Variants in PPP4R3B observed in about 807,000 individuals in gnomAD.
The protein encoded by PPP4R3B is protein phosphatase 4 regulatory subunit 3B, also known as serine/threonine-protein phosphatase 4 regulatory subunit 3B.
PPP4R3B carries 52 observed loss-of-function variants against 95.4 expected under a neutral mutation model. That is an observed-to-expected ratio of 0.54 (90% confidence interval 0.44 to 0.69). The LOEUF (loss-of-function observed/expected upper bound fraction) is 0.69. Ranked by LOEUF, PPP4R3B falls within the 30% of genes least tolerant of loss-of-function variation. The pLI, the probability that PPP4R3B is intolerant of heterozygous loss-of-function variation, is 0.00. For synonymous variants in PPP4R3B, 407 were observed against 343.9 expected, an observed-to-expected ratio of 1.18 and a Z score of -2.03; for missense variants, 1,003 against 1,005.9, an observed-to-expected ratio of 1.00 and a Z score of 0.04.
chr2:55,579,143 G>C lies in PPP4R3B; in HGVS notation c.1468+536C>G, dbSNP rs181592709. ...ACTCCATTTTAATAAACTGAAAACAGAAATTGCAGCTGATGAATTACGGGT... is the reference window on the plus strand; with the variant it reads ...ACTCCATTTTAATAAACTGAAAACACAAATTGCAGCTGATGAATTACGGGT... On this transcript the variant is annotated intron_variant, in intron 9 of 16. Coordinates refer to ENST00000616407, the MANE Select transcript of PPP4R3B (RefSeq NM_001122964.3). Among the ~76,000 whole-genome samples the C allele has an allele frequency of 2.0e-4, 30 of 152,106 alleles. 1 individual carries two copies. The highest frequency in any genetic ancestry group is 5.8e-4 in the African/African-American group (24 of 41,526).
At chr2:55,580,416 T>G (rs910784745) in intron 8 of PPP4R3B, among the ~76,000 whole-genome samples, 2 of 152,134 alleles carry the variant, frequency 1.3e-5, no homozygotes, top group African/African-American at 4.8e-5. Context: ...TCTCTCAACT[T>G]TAAAAATAAC....
At position 55,548,681 on chromosome 2, in the gene PPP4R3B, TGTTAAA is replaced by T. The variant is rs1684946716; in HGVS notation, c.*1224_*1229del. On this transcript the variant is annotated 3_prime_UTR_variant, in exon 17 of 17. Transcript: ENST00000616407. The stretch of plus-strand genomic sequence containing the variant: ...ATCTAAAGATTGTGGCTGGAATTAC[TGTTAAA>T]GTTTTTTTTTCCCAATGCATTAAAT... 1.3e-5 allele frequency: 2 copies of T among 152,770 alleles called. No individual in the cohort carries two copies. The highest frequency in any genetic ancestry group is 4.1e-4 in the South Asian group (2 of 4,826). 9.5% of individuals were successfully genotyped at this position (152,770 alleles called of 1,614,324 possible).
At position 55,598,878 on chromosome 2, in the gene PPP4R3B, G is replaced by A; in HGVS notation, c.459C>T (p.Leu153=). ...EEIADLVTSV[L]SSPIRREKLA... is the part of the protein sequence containing the mutation. ...GCTTTTCCCTACGGATAGGTGAGGA[G>A]AGCACTGAGGTAACTAAGTCAGCAA... Residue 153 remains leucine, a synonymous_variant, in exon 4 of 17, where the codon CTC becomes CTT. Transcript: ENST00000616407. The A allele has an allele frequency of 6.2e-7, 1 of 1,614,200 alleles. No individual in the cohort carries two copies.
intron 3 of PPP4R3B, among the ~76,000 whole-genome samples, chr2:55,600,292 G>A (rs1424144284): frequency 6.6e-6 from 1 of 152,044 alleles, no homozygotes; most frequent in African/African-American, 2.4e-5. Flanking sequence ...TGGGCGTGGT[G>A]GCGCATGCCT....
chr2:55,596,736 G>T (rs1322896677), intron 4 of PPP4R3B, among the ~76,000 whole-genome samples: 1 of 152,226 alleles, frequency 6.6e-6, no homozygotes, highest in Non-Finnish European at 1.5e-5. Context: ...GCCAAGGCGG[G>T]CGGATCACCT....
At chr2:55,566,395 T>A (rs1178385321) in intron 13 of PPP4R3B, among the ~76,000 whole-genome samples, 1 of 152,214 alleles carries the variant, frequency 6.6e-6, no homozygotes, top group African/African-American at 2.4e-5. Flanking sequence ...GGTTGTAAAC[T>A]CTACCATTTG....
intron 3 of PPP4R3B, among the ~76,000 whole-genome samples, chr2:55,600,397 G>C (rs960867717): frequency 8.1e-6 from 1 of 123,558 alleles, no homozygotes; most frequent in Non-Finnish European, 1.6e-5. Context: ...CTGCACTCTT[G>C]CCTGGGCAAC....
chr2:55,578,790 C>A (rs1359580224), intron 9 of PPP4R3B, among the ~76,000 whole-genome samples: 1 of 152,050 alleles, frequency 6.6e-6, no homozygotes, highest in African/African-American at 2.4e-5. Flanking sequence ...ATTCTCCTAA[C>A]TTCCTTTTAA....
intron 12 of PPP4R3B, among the ~76,000 whole-genome samples, chr2:55,573,242 G>C (rs1055079479): frequency 3.3e-5 from 5 of 152,100 alleles, no homozygotes; most frequent in Non-Finnish European, 7.4e-5. Flanking sequence ...TTATGAAGGT[G>C]ACAGTTTATA....
In PPP4R3B at chr2:55,549,944, C is replaced by T. The variant is rs752292325; in HGVS notation, c.2517G>A (p.Ser839=). The part of the protein sequence containing the change: ...DDEEEDEEEE[S]SPRKRPRLGS ...CAAGACGAGGTCTTTTCCTGGGGGA[C>T]GATTCTTCTTCTTCATCTTCCTCTT... Residue 839 remains serine (S), a synonymous_variant, in exon 17 of 17, where the codon TCG becomes TCA. Coordinates refer to ENST00000616407, the MANE Select transcript of PPP4R3B (RefSeq NM_001122964.3). 1.3e-5 allele frequency: 21 copies of T among 1,611,726 alleles called. No individual in the cohort carries two copies. The highest frequency in any genetic ancestry group is 1.7e-4 in the Middle Eastern group (1 of 6,052).
chr2:55,584,970 G>T, intron 7 of PPP4R3B, 81 bp downstream of exon 7: 1 of 1,045,602 alleles, frequency 9.6e-7, no homozygotes. Context: ...TTAAGATTAT[G>T]TTATGTTTTT....
At chr2:55,611,402 G>A (rs113364077) in intron 2 of PPP4R3B, among the ~76,000 whole-genome samples, 1 of 152,142 alleles carries the variant, frequency 6.6e-6, no homozygotes, top group Admixed American at 6.5e-5. Flanking sequence ...ACACCTATCA[G>A]GTATGTTATT....
In PPP4R3B at chr2:55,585,032, C is replaced by A; in HGVS notation, c.1233+19G>T. 1 of 1,557,468 alleles carries A rather than the reference C, an allele frequency of 6.4e-7. No homozygotes were observed. ...CACTCTACAGGTAATTCACATAGAA[C>A]CACAGCATTATTACTTACGTCATCA... On this transcript the variant is annotated intron_variant, in intron 7 of 16. Transcript: ENST00000616407.
intron 12 of PPP4R3B, among the ~76,000 whole-genome samples, chr2:55,572,664 A>G (rs12998780): frequency 0.22 from 34,054 of 152,164 alleles, 3,922 homozygotes; most frequent in East Asian, 0.3. Flanking sequence ...TAAAAAGTAT[A>G]AAACAGATAA....
chr2:55,616,333 G>A (rs921534680), intron 1 of PPP4R3B, among the ~76,000 whole-genome samples: 1 of 152,002 alleles, frequency 6.6e-6, no homozygotes. Context: ...AAAATAAAAG[G>A]GAACAAGCAA....
intron 4 of PPP4R3B, among the ~76,000 whole-genome samples, chr2:55,595,969 T>G (rs1184004255): frequency 6.6e-6 from 1 of 152,146 alleles, no homozygotes; most frequent in Non-Finnish European, 1.5e-5. Flanking sequence ...GTAAGACAAG[T>G]ACTTAAAAAG....
chr2:55,602,726 A>T (rs1692802381), intron 3 of PPP4R3B, among the ~76,000 whole-genome samples: 1 of 152,204 alleles, frequency 6.6e-6, no homozygotes, highest in South Asian at 2.1e-4. Context: ...GAGAACTGGA[A>T]GCTCAAGCCT....
chr2:55,572,201 AT>A (rs1688098699), intron 12 of PPP4R3B, among the ~76,000 whole-genome samples: 1 of 145,226 alleles, frequency 6.9e-6, no homozygotes, highest in Admixed American at 7.2e-5. Context: ...AAGTGAGAAT[AT>A]CTGCATAATC....
intron 9 of PPP4R3B, 99 bp downstream of exon 9, chr2:55,579,580 C>G: frequency 1.5e-6 from 1 of 688,620 alleles, no homozygotes; most frequent in Non-Finnish European, 2.2e-6. Context: ...CGTAATCTCC[C>G]TGTCTTATAA....
Sources: allele counts gnomAD v4.1 joint callset (sites outside exome capture counted in the v4.1 genomes callset), GRCh38; gene constraint gnomAD v4.1.1; transcripts MANE v1.5; gene names NCBI Gene and HGNC (gene_info 2026-07-23, HGNC 2026-07-21).